Variants in PAQR5 observed in about 807,000 individuals in gnomAD.
PAQR5 encodes the protein membrane progestin receptor gamma.
Under a neutral mutation model 34.5 loss-of-function variants are expected in PAQR5, and 20 were observed. The observed-to-expected ratio is 0.58, with a 90% CI of 0.41 to 0.84. The LOEUF is 0.84. Ranked by LOEUF, PAQR5 falls within the 40% of genes least tolerant of loss-of-function variation. PAQR5 has a pLI of 0.00. For missense variants in PAQR5, 378 were observed against 412.7 expected (o/e 0.92, Z 0.73); for synonymous variants, 131 against 155.6 (o/e 0.84, Z 1.18).
At chr15:69,379,214 C>T (rs2055809190) in intron 3 of PAQR5, among the ~76,000 whole-genome samples, 1 of 151,840 alleles carries the variant, frequency 6.6e-6, no homozygotes, top group Non-Finnish European at 1.5e-5. Flanking sequence ...GGATGTAATA[C>T]AATACTCCAG....
intron 3 of PAQR5, among the ~76,000 whole-genome samples, chr15:69,374,112 A>G (rs189643170): frequency 1.7e-4 from 26 of 152,336 alleles, no homozygotes; most frequent in Admixed American, 1.6e-3. Flanking sequence ...AATATTGGAC[A>G]TGTATTTTTA....
At chr15:69,366,509 C>T (rs2055406573) in intron 3 of PAQR5, among the ~76,000 whole-genome samples, 1 of 152,146 alleles carries the variant, frequency 6.6e-6, no homozygotes, top group Admixed American at 6.5e-5. Flanking sequence ...TCCATGCTTC[C>T]AAGTATATGG....
chr15:69,357,575 T>C (rs2055113190), intron 2 of PAQR5, among the ~76,000 whole-genome samples: 2 of 152,212 alleles, frequency 1.3e-5, no homozygotes, highest in Non-Finnish European at 2.9e-5. Flanking sequence ...CAGGTATTTC[T>C]TTATAGCAAT....
chr15:69,371,961 C>A (rs562024123), intron 3 of PAQR5, among the ~76,000 whole-genome samples: 25 of 152,182 alleles, frequency 1.6e-4, no homozygotes, highest in Admixed American at 4.6e-4. Flanking sequence ...CAAATCTAAG[C>A]GTTTAACAGC....
chr15:69,359,130 G>GAAC (rs1264374049), intron 2 of PAQR5, among the ~76,000 whole-genome samples: 2 of 152,088 alleles, frequency 1.3e-5, no homozygotes, highest in African/African-American at 4.8e-5. Context: ...TGGAAGGGGC[G>GAAC]AACAAGCTCC....
chr15:69,334,121 G>A (rs916301985), intron 1 of PAQR5, among the ~76,000 whole-genome samples: 17 of 151,998 alleles, frequency 1.1e-4, no homozygotes, highest in Admixed American at 6.6e-4. Context: ...TCCACCTCCC[G>A]GGTTCAAGTG....
rs1414512965 is a variant in PAQR5, at chr15:69,406,607, G to C, written c.*2785G>C. The C allele has an allele frequency of 6.6e-6, 1 of 152,348 alleles. No homozygotes were observed. 9.4% of individuals were successfully genotyped at this position (152,348 alleles called of 1,614,324 possible). On this transcript the variant is annotated 3_prime_UTR_variant, in exon 9 of 9. Transcript: ENST00000395407. ...TCTGTGGCTGGATGCAGTGGCTCAT[G>C]CCTGTAATCCCAGCACTTTGGGAGG... is the stretch of plus-strand genomic sequence containing the variant.
intron 2 of PAQR5, among the ~76,000 whole-genome samples, chr15:69,341,078 C>G (rs989486633): frequency 1.3e-5 from 2 of 152,274 alleles, no homozygotes; most frequent in African/African-American, 4.8e-5. Flanking sequence ...TGAGTACATT[C>G]ACATTGCTGT....
At chr15:69,336,817 C>T (rs1385520442) in intron 1 of PAQR5, among the ~76,000 whole-genome samples, 1 of 152,150 alleles carries the variant, frequency 6.6e-6, no homozygotes, top group Non-Finnish European at 1.5e-5. Flanking sequence ...TTATGGGAAA[C>T]TTCTATAATT....
chr15:69,322,757 A>AGAAGAAGAAGACGAG lies in PAQR5; in HGVS notation c.-276-14573_-276-14572insCGAGGAAGAAGAAGA, dbSNP rs2054141112. ...AAGAAGAAGAAGAAGAAGAAGAAGA[A>AGAAGAAGAAGACGAG]GAAGAAGAAGAAGAGGGAGAAGAAG... On this transcript the variant is annotated intron_variant, in intron 1 of 8. Transcript: ENST00000395407. Among the ~76,000 whole-genome samples, 2 of 28,386 alleles carry AGAAGAAGAAGACGAG rather than the reference A, an allele frequency of 7.0e-5. 1 individual carries two copies. The highest frequency in any genetic ancestry group is 1.6e-4 in the Non-Finnish European group (2 of 12,676). 18.6% of individuals were successfully genotyped at this position (28,386 alleles called of 152,430 possible).
intron 1 of PAQR5, among the ~76,000 whole-genome samples, chr15:69,310,067 C>T (rs200076700): frequency 4.8e-5 from 7 of 147,266 alleles, no homozygotes; most frequent in African/African-American, 1.7e-4. Context: ...ACAAAAAAAA[C>T]AAAACGAAAC....
chr15:69,389,912 G>C, intron 6 of PAQR5, 132 bp downstream of exon 6: 1 of 1,044,646 alleles, frequency 9.6e-7, no homozygotes, highest in Non-Finnish European at 1.4e-6. Context: ...CTCCGTTCCA[G>C]GTGGACTTCC....
chr15:69,356,425 A>T (rs1447678516), intron 2 of PAQR5, among the ~76,000 whole-genome samples: 2 of 152,216 alleles, frequency 1.3e-5, no homozygotes, highest in East Asian at 3.8e-4. Context: ...AGCTTAAAAA[A>T]ATTATTTTCT....
chr15:69,305,762 CG>C (rs2053702258), intron 1 of PAQR5, among the ~76,000 whole-genome samples: 1 of 152,112 alleles, frequency 6.6e-6, no homozygotes, highest in Admixed American at 6.5e-5. Flanking sequence ...GGCACGCCTG[CG>C]CCGGCCTACC....
Position 69,378,486 on chromosome 15 carries a change from GTATA to G in PAQR5, c.52-1393_52-1390del, listed in dbSNP as rs762207879. 1.8e-3 allele frequency among the ~76,000 whole-genome samples: 270 copies of G among 149,358 alleles called. 1 individual carries two copies. The highest frequency in any genetic ancestry group is 3.5e-3 in the Middle Eastern group (1 of 288). On this transcript the variant is annotated intron_variant, in intron 3 of 8. Transcript: ENST00000395407. ...AGAGAGAGAGATAGCACAGACTCTG[GTATA>G]TATTGTACATTTTTTTAACAGAGAA...
intron 4 of PAQR5, chr15:69,382,738 A>G (rs532398005): frequency 7.0e-6 from 1 of 142,950 alleles, no homozygotes; most frequent in African/African-American, 2.6e-5. Context: ...ATATGTGTAT[A>G]TATATATGTG....
At chr15:69,299,758 C>G (rs1282324558) in intron 1 of PAQR5, among the ~76,000 whole-genome samples, 1 of 152,156 alleles carries the variant, frequency 6.6e-6, no homozygotes, top group East Asian at 1.9e-4. Flanking sequence ...AACTCTTATC[C>G]GTGAGCAGAA....
intron 3 of PAQR5, among the ~76,000 whole-genome samples, chr15:69,369,020 C>A (rs150066710): frequency 6.6e-6 from 1 of 152,196 alleles, no homozygotes; most frequent in South Asian, 2.1e-4. Flanking sequence ...AATCCACCCA[C>A]CACGGCCCCC....
In PAQR5 at chr15:69,403,666, G is replaced by A; in HGVS notation, c.837G>A (p.Arg279=). 1.2e-6 allele frequency: 2 copies of A among 1,614,134 alleles called. No homozygotes were observed. The highest frequency in any genetic ancestry group is 1.7e-6 in the Non-Finnish European group (2 of 1,180,000). Residue 279 remains arginine, a synonymous_variant, in exon 9 of 9, where the codon AGG becomes AGA. Transcript: ENST00000395407. Reference sequence around the variant, plus strand: ...CCATACTTCTGGACAAGACTCTGAGGAAGGAATGGCTCCTGGCCACCTCCA... The same window carrying A: ...CCATACTTCTGGACAAGACTCTGAGAAAGGAATGGCTCCTGGCCACCTCCA... ...MEAILLDKTL[R]KEWLLATSKP...
Sources: allele counts gnomAD v4.1 joint callset (sites outside exome capture counted in the v4.1 genomes callset), GRCh38; gene constraint gnomAD v4.1.1; transcripts MANE v1.5; gene names NCBI Gene and HGNC (gene_info 2026-07-23, HGNC 2026-07-21).